Variants in CORO2B observed in about 807,000 individuals in gnomAD.
CORO2B encodes the protein coronin 2B.
In CORO2B, 26 loss-of-function variants were observed where a neutral mutation model predicts 58.8. The ratio of observed to expected loss-of-function variants is 0.44; its 90% CI spans 0.32 to 0.61. CORO2B has a LOEUF of 0.61. Among genes scored for constraint, CORO2B ranks in the 20% least tolerant of loss-of-function variants. The probability of loss-of-function intolerance (pLI) is 0.04; values close to 1 mark genes in which losing one functional copy is unlikely to be tolerated. For synonymous variants in CORO2B, 242 were observed against 253.8 expected (o/e 0.95, Z 0.44); for missense variants, 460 against 645.1 (o/e 0.71, Z 3.11).
intron 1 of CORO2B, among the ~76,000 whole-genome samples, chr15:68,626,578 C>A (rs1345449467): frequency 3.3e-5 from 5 of 152,224 alleles, no homozygotes; most frequent in East Asian, 3.9e-4. Context: ...ATGCGGGACT[C>A]CCAGCCTTTG....
In CORO2B at chr15:68,585,482, G is replaced by A. The variant is rs192876408; in HGVS notation, c.15+6205G>A. Reference sequence around the variant, plus strand: ...ATCCCATTTTCTAGAGGAGGAGAGTGAGGCTTAGTGAGAGTAGGTGAACGG... The same window carrying A: ...ATCCCATTTTCTAGAGGAGGAGAGTAAGGCTTAGTGAGAGTAGGTGAACGG... On this transcript the variant is annotated intron_variant, in intron 1 of 11. Coordinates refer to ENST00000261861, the MANE Select transcript of CORO2B (RefSeq NM_006091.5). Among the ~76,000 whole-genome samples, 320 of 152,342 alleles carry A rather than the reference G, an allele frequency of 2.1e-3. 2 individuals are homozygous for A. Among genetic ancestry groups the A allele is most frequent in the African/African-American group, 7.3e-3 (303 of 41,576 alleles).
the CORO2B span, among the ~76,000 whole-genome samples, chr15:68,534,320 A>C: frequency 6.6e-6 from 1 of 150,434 alleles, no homozygotes; most frequent in African/African-American, 2.5e-5. Context: ...ACACACTTGC[A>C]TACACACATG....
At chr15:68,614,429 C>T (rs1349858870) in intron 1 of CORO2B, among the ~76,000 whole-genome samples, 2 of 152,166 alleles carry the variant, frequency 1.3e-5, no homozygotes, top group African/African-American at 4.8e-5. Flanking sequence ...CCCTCTAATG[C>T]ATGAGTTTGG....
intron 3 of CORO2B, among the ~76,000 whole-genome samples, chr15:68,697,943 C>T (rs999054213): frequency 1.1e-4 from 16 of 152,138 alleles, no homozygotes; most frequent in Non-Finnish European, 2.2e-4. Flanking sequence ...CAGCTGGCTC[C>T]GTCCCTGCCT....
intron 1 of CORO2B, among the ~76,000 whole-genome samples, chr15:68,622,993 C>A (rs1183615577): frequency 9.2e-5 from 14 of 152,026 alleles, no homozygotes; most frequent in Admixed American, 8.5e-4. Flanking sequence ...ATTAATATCA[C>A]CCCTCTTTTA....
chr15:68,593,879 C>A (rs893007739), intron 1 of CORO2B, among the ~76,000 whole-genome samples: 1 of 151,090 alleles, frequency 6.6e-6, no homozygotes. Flanking sequence ...CTGAGAAGGG[C>A]GAGAGAAGAG....
At chr15:68,669,817 G>A (rs894709742) in intron 2 of CORO2B, among the ~76,000 whole-genome samples, 1 of 152,114 alleles carries the variant, frequency 6.6e-6, no homozygotes, top group Admixed American at 6.5e-5. Context: ...AGCACTTCAG[G>A]AGGCCAAGGT....
At chr15:68,666,428 C>T (rs1244482279) in intron 2 of CORO2B, among the ~76,000 whole-genome samples, 1 of 152,190 alleles carries the variant, frequency 6.6e-6, no homozygotes, top group Non-Finnish European at 1.5e-5. Context: ...CTCCCCCAGT[C>T]CCCAGTGTTC....
At chr15:68,529,835 T>C in the CORO2B span, among the ~76,000 whole-genome samples, 1 of 152,260 alleles carries the variant, frequency 6.6e-6, no homozygotes, top group South Asian at 2.1e-4. Context: ...TCACAAATTT[T>C]GTTATGTAGA....
the CORO2B span, among the ~76,000 whole-genome samples, chr15:68,543,519 A>G: frequency 6.6e-6 from 1 of 151,822 alleles, no homozygotes; most frequent in Non-Finnish European, 1.5e-5. Flanking sequence ...CCATCTTTCT[A>G]CCCTGTCCCC....
At chr15:68,570,151 T>G in the CORO2B span, among the ~76,000 whole-genome samples, 4 of 152,204 alleles carry the variant, frequency 2.6e-5, no homozygotes, top group Non-Finnish European at 5.9e-5. Flanking sequence ...TAGGAAGAGC[T>G]AGGCTTGGAG....
chr15:68,605,711 G>GTTTTTTTTTTT (rs35340917), intron 1 of CORO2B, among the ~76,000 whole-genome samples: 1 of 99,094 alleles, frequency 1.0e-5, no homozygotes, highest in Non-Finnish European at 1.9e-5. Flanking sequence ...GGGCTCTTGG[G>GTTTTTTTTTTT]TTTTTTTTTT....
At chr15:68,541,767 C>A in the CORO2B span, among the ~76,000 whole-genome samples, 1 of 152,180 alleles carries the variant, frequency 6.6e-6, no homozygotes, top group Admixed American at 6.5e-5. Context: ...CTTTCGCTGG[C>A]TCATGGGGCT....
At chr15:68,716,822 C>T (rs1023400670) in intron 8 of CORO2B, among the ~76,000 whole-genome samples, 9 of 149,642 alleles carry the variant, frequency 6.0e-5, no homozygotes, top group Non-Finnish European at 1.3e-4. Context: ...GTGGTGTAGA[C>T]TCTGTGATGT....
At chr15:68,568,518 C>G in the CORO2B span, among the ~76,000 whole-genome samples, 4 of 152,060 alleles carry the variant, frequency 2.6e-5, no homozygotes, top group African/African-American at 9.7e-5. Flanking sequence ...CACTGGGACC[C>G]CAAAAGTCAA....
chr15:68,588,024 T>C (rs1899611599), intron 1 of CORO2B, among the ~76,000 whole-genome samples: 1 of 152,166 alleles, frequency 6.6e-6, no homozygotes, highest in Non-Finnish European at 1.5e-5. Context: ...GAAAATGAAG[T>C]TAGTAGTCTA....
Position 68,579,271 on chromosome 15 carries a change from C to T in CORO2B, c.9C>T (p.Val3=). The part of the protein sequence containing the change: MT[V]TKMSWRPQYR... ...CGCCGCGGAGTTTCTGCATGACTGT[C>T]ACAAAGGTAAGCGCCGCTCGCCCGC... The change falls in exon 1 of 12, where the codon GTC becomes GTT. Residue 3 remains valine (V), a synonymous_variant. Coordinates refer to ENST00000261861, the MANE Select transcript of CORO2B (RefSeq NM_006091.5). 7.8e-7 allele frequency: 1 copy of T among 1,281,444 alleles called. No homozygotes were observed. Among genetic ancestry groups the T allele is most frequent in the Non-Finnish European group, 9.9e-7 (1 of 1,008,474 alleles). 79.4% of individuals were successfully genotyped at this position (1,281,444 alleles called of 1,614,324 possible). A position where few individuals can be genotyped will look rare whatever the true frequency, so the allele number is the denominator to read the frequency against.
chr15:68,538,323 G>A, the CORO2B span, among the ~76,000 whole-genome samples: 9 of 152,164 alleles, frequency 5.9e-5, no homozygotes, highest in African/African-American at 1.9e-4. Context: ...ATAAAATAAT[G>A]TATATTTTCA....
intron 1 of CORO2B, among the ~76,000 whole-genome samples, chr15:68,591,877 A>G (rs554752847): frequency 6.6e-6 from 1 of 152,306 alleles, no homozygotes; most frequent in Admixed American, 6.5e-5. Context: ...CGAGAAGAGC[A>G]CTGGAATGGG....
Sources: allele counts gnomAD v4.1 joint callset (sites outside exome capture counted in the v4.1 genomes callset), GRCh38; gene constraint gnomAD v4.1.1; transcripts MANE v1.5; gene names NCBI Gene and HGNC (gene_info 2026-07-23, HGNC 2026-07-21).